The following ROR1 variants were observed in gnomAD, a reference collection of about 807,000 sequenced individuals.
ROR1 encodes the protein ROR family WNT receptor 1.
A neutral mutation model predicts 78.8 loss-of-function variants in ROR1; 19 were observed. That is an observed-to-expected ratio of 0.24 (90% CI 0.17 to 0.35). The LOEUF (loss-of-function observed/expected upper bound fraction) is 0.35. Ranked by LOEUF, ROR1 falls within the 10% of genes least tolerant of loss-of-function variation. ROR1 has a pLI of 1.00. For missense variants in ROR1, 917 were observed against 1,177.8 expected (o/e 0.78, Z 3.24); for synonymous variants, 386 against 433.6 (o/e 0.89, Z 1.36).
chr1:64,174,902 C>G (rs1650335422), intron 8 of ROR1, among the ~76,000 whole-genome samples: 1 of 151,966 alleles, frequency 6.6e-6, no homozygotes, highest in South Asian at 2.1e-4. Context: ...CTACAAGCTC[C>G]CACAAGAATA....
At chr1:64,112,670 C>T (rs1384044577) in intron 4 of ROR1, among the ~76,000 whole-genome samples, 1 of 152,026 alleles carries the variant, frequency 6.6e-6, no homozygotes, top group African/African-American at 2.4e-5. Context: ...GCTTTGTTGA[C>T]TTCTCTTCCT....
intron 1 of ROR1, among the ~76,000 whole-genome samples, chr1:63,824,185 G>T (rs1644940299): frequency 6.6e-6 from 1 of 152,160 alleles, no homozygotes; most frequent in Non-Finnish European, 1.5e-5. Context: ...CACCCAGCAG[G>T]GTTGGGTAGA....
chr1:63,931,570 T>C (rs1645752873), intron 1 of ROR1, among the ~76,000 whole-genome samples: 1 of 152,178 alleles, frequency 6.6e-6, no homozygotes, highest in African/African-American at 2.4e-5. Context: ...GGTTTAAAAT[T>C]ACATGCTGTC....
intron 2 of ROR1, among the ~76,000 whole-genome samples, chr1:64,025,839 T>C (rs997510915): frequency 7.2e-5 from 11 of 152,084 alleles, no homozygotes; most frequent in African/African-American, 2.7e-4. Flanking sequence ...ATAAGAATGA[T>C]ACAATGGACT....
At chr1:63,914,739 G>A (rs1645596441) in intron 1 of ROR1, among the ~76,000 whole-genome samples, 1 of 152,122 alleles carries the variant, frequency 6.6e-6, no homozygotes, top group African/African-American at 2.4e-5. Flanking sequence ...CAGTTCAGAA[G>A]TGATCAGTGT....
At position 63,932,712 on chromosome 1, in the gene ROR1, G is replaced by A. The variant is rs145167560; in HGVS notation, c.92-76593G>A. On this transcript the variant is annotated intron_variant, in intron 1 of 8. Coordinates refer to ENST00000371079, the MANE Select transcript of ROR1 (RefSeq NM_005012.4). ...AGAAGGGAAAACAGTCCCAGAGGAGGTAGGTGACTCCTTTAGCCAGTAAGT... is the reference window on the plus strand; with the variant it reads ...AGAAGGGAAAACAGTCCCAGAGGAGATAGGTGACTCCTTTAGCCAGTAAGT... Among the ~76,000 whole-genome samples the A allele has an allele frequency of 2.1e-3, 315 of 152,328 alleles. 1 individual carries two copies. The highest frequency in any genetic ancestry group is 3.3e-3 in the Non-Finnish European group (225 of 68,022).
At chr1:63,960,268 T>C (rs1207902637) in intron 1 of ROR1, among the ~76,000 whole-genome samples, 1 of 152,180 alleles carries the variant, frequency 6.6e-6, no homozygotes, top group Non-Finnish European at 1.5e-5. Context: ...GGGAGATCTT[T>C]TGGGAACGGG....
intron 4 of ROR1, among the ~76,000 whole-genome samples, chr1:64,093,712 C>G (rs929952600): frequency 9.9e-5 from 15 of 152,048 alleles, no homozygotes; most frequent in Non-Finnish European, 1.9e-4. Flanking sequence ...CAGTGAGATA[C>G]GGTAACTTGC....
chr1:64,128,781 CAA>C (rs1453915371), intron 4 of ROR1, among the ~76,000 whole-genome samples: 2 of 151,822 alleles, frequency 1.3e-5, no homozygotes, highest in Non-Finnish European at 2.9e-5. Flanking sequence ...AATATTAACA[CAA>C]GAGGTAATAA....
chr1:64,118,632 CAAAAAAAAAAAAAAAAAA>C (rs3084938), intron 4 of ROR1, among the ~76,000 whole-genome samples: 14 of 65,852 alleles, frequency 2.1e-4, no homozygotes, highest in Admixed American at 1.8e-3. Context: ...GACTCCATCT[CAAAAAAAAAAAAAAAAAA>C]AAAAAAAAAA....
At chr1:64,014,428 C>T (rs1338481907) in intron 2 of ROR1, among the ~76,000 whole-genome samples, 4 of 151,844 alleles carry the variant, frequency 2.6e-5, no homozygotes, top group African/African-American at 9.7e-5. Flanking sequence ...TCTGAAACAA[C>T]TGCTTCAGAA....
intron 4 of ROR1, among the ~76,000 whole-genome samples, chr1:64,061,607 G>A (rs944685840): frequency 2.6e-5 from 4 of 152,142 alleles, no homozygotes; most frequent in African/African-American, 9.7e-5. Flanking sequence ...ACTTTCCCAG[G>A]GGGTGCTGGT....
At position 64,142,434 on chromosome 1, in the gene ROR1, G is replaced by T. The variant is rs773172264; in HGVS notation, c.958G>T (p.Asp320Tyr). The T allele has an allele frequency of 1.4e-5, 23 of 1,613,994 alleles. No homozygotes were observed. The highest frequency in any genetic ancestry group is 1.9e-5 in the Non-Finnish European group (23 of 1,180,024). ...CAAGTGTTATAACAGCACAGGTGTG[G>T]ACTACCGGGGGACCGTCAGTGTGAC... ...NHKCYNSTGV[D>Y]YRGTVSVTKS... Residue 320 changes from aspartate (D) to tyrosine (Y), a missense_variant, in exon 7 of 9, where the codon GAC (aspartate) becomes TAC (tyrosine). Around this residue, in one of 3 missense-constraint regions of ROR1, gnomAD observed 835 missense variants for 1,069.8 expected, o/e 0.78. Coordinates refer to ENST00000371079, the MANE Select transcript of ROR1 (RefSeq NM_005012.4).
At chr1:64,008,368 T>C (rs1247701108) in intron 1 of ROR1, among the ~76,000 whole-genome samples, 1 of 152,238 alleles carries the variant, frequency 6.6e-6, no homozygotes, top group Non-Finnish European at 1.5e-5. Flanking sequence ...CCTCTGTTGA[T>C]GGGCACCTAG....
chr1:64,099,606 A>G, intron 4 of ROR1, among the ~76,000 whole-genome samples: 1 of 152,076 alleles, frequency 6.6e-6, no homozygotes, highest in Non-Finnish European at 1.5e-5. Flanking sequence ...TGATAAAAAT[A>G]AATTAGTTGC....
At chr1:63,825,848 T>C (rs563280560) in intron 1 of ROR1, among the ~76,000 whole-genome samples, 1 of 152,314 alleles carries the variant, frequency 6.6e-6, no homozygotes, top group South Asian at 2.1e-4. Context: ...CCATTGGACT[T>C]AAACAAGAAT....
intron 4 of ROR1, among the ~76,000 whole-genome samples, chr1:64,132,502 G>A (rs1465001288): frequency 1.3e-5 from 2 of 152,108 alleles, no homozygotes; most frequent in African/African-American, 2.4e-5. Flanking sequence ...GCTCACACCT[G>A]TAATCCTAGC....
intron 1 of ROR1, among the ~76,000 whole-genome samples, chr1:63,791,820 C>T (rs1394790091): frequency 6.6e-6 from 1 of 152,078 alleles, no homozygotes; most frequent in Non-Finnish European, 1.5e-5. Context: ...CCTTGTAAAC[C>T]TAAAATCCTA....
rs1646503694 is a variant in ROR1 at position 64,014,727 on chromosome 1, A to ATATATATAT, written c.163+5351_163+5352insTATATATAT. On this transcript the variant is annotated intron_variant, in intron 2 of 8. Transcript: ENST00000371079. ...GTGCTGACAGACTATATATATATATACACATACGCACACTATATATATATA... is the reference window on the plus strand; with the variant it reads ...GTGCTGACAGACTATATATATATATATATATATATCACATACGCACACTATATATATATA... Among the ~76,000 whole-genome samples, 2 of 28,620 alleles carry ATATATATAT rather than the reference A, an allele frequency of 7.0e-5. 1 individual carries two copies. The highest frequency in any genetic ancestry group is 1.1e-3 in the Admixed American group (2 of 1,762). The allele number at this position is 28,620 out of a possible 152,430, so 18.8% of individuals were successfully genotyped here. A position where few individuals can be genotyped will look rare whatever the true frequency, so the allele number is the denominator to read the frequency against.
Sources: allele counts gnomAD v4.1 joint callset (sites outside exome capture counted in the v4.1 genomes callset), GRCh38; gene constraint gnomAD v4.1.1; regional missense constraint gnomAD v4.1.1; transcripts MANE v1.5; gene names NCBI Gene and HGNC (gene_info 2026-07-23, HGNC 2026-07-21).